The following PAPPA2 variants were observed in gnomAD, a reference collection of about 807,000 sequenced individuals.
The protein encoded by PAPPA2 is pappalysin 2, also known as pappalysin-2.
Under a neutral mutation model 176.4 loss-of-function variants are expected in PAPPA2, and 86 were observed. The ratio of observed to expected loss-of-function variants is 0.49; its 90% CI spans 0.41 to 0.58. The LOEUF (loss-of-function observed/expected upper bound fraction) is 0.58, where lower values mean the gene tolerates loss of function less well. PAPPA2 is among the 20% of genes least tolerant of loss of function. The pLI, the probability that PAPPA2 is intolerant of heterozygous loss-of-function variation, is 0.00. For missense variants in PAPPA2, 2,073 were observed against 2,256.9 expected, an observed-to-expected ratio of 0.92 and a Z score of 1.65; for synonymous variants, 809 against 852.2, an observed-to-expected ratio of 0.95 and a Z score of 0.88.
chr1:176,551,480 A>AGGG (rs1297816721), intron 1 of PAPPA2, among the ~76,000 whole-genome samples: 3 of 152,140 alleles, frequency 2.0e-5, no homozygotes, highest in Admixed American at 1.3e-4. Context: ...GACCACATTA[A>AGGG]GGGGCATCTC....
rs1290530042 is a variant in PAPPA2 at position 176,595,094 on chromosome 1, C to G, written c.1490C>G (p.Pro497Arg). The G allele has an allele frequency of 1.9e-6, 3 of 1,614,142 alleles. No homozygotes were observed. The South Asian group carries it at 3.3e-5, about 18-fold the overall frequency. ...EPEILSPLQP[P>R]LCGQTVCDNV... ...GAGATTCTGTCGCCTTTGCAGCCCC[C>G]ACTCTGTGGGCAAACAGTCTGTGAC... The change falls in exon 3 of 23, where the codon CCA becomes CGA. Residue 497 changes from proline (P) to arginine (R), a missense_variant. Pro to Arg is a moderately radical substitution (Grantham distance 103). Coordinates refer to ENST00000367662, the MANE Select transcript of PAPPA2 (RefSeq NM_020318.3).
chr1:176,731,187 C>A (rs922154070), intron 12 of PAPPA2, among the ~76,000 whole-genome samples: 5 of 151,844 alleles, frequency 3.3e-5, no homozygotes, highest in Admixed American at 6.6e-5. Flanking sequence ...ATACTTCTTT[C>A]TTTTCTCTGT....
chr1:176,833,747 T>A (rs12131068), intron 21 of PAPPA2, among the ~76,000 whole-genome samples: 8,990 of 152,240 alleles, frequency 0.059, 350 homozygotes, highest in Non-Finnish European at 0.086. Flanking sequence ...AATGTATGGA[T>A]GTGTACCATG....
chr1:176,719,039 T>A (rs1294767924), intron 12 of PAPPA2, among the ~76,000 whole-genome samples: 2 of 152,078 alleles, frequency 1.3e-5, no homozygotes, highest in South Asian at 2.1e-4. Flanking sequence ...GATTTGTATG[T>A]TTCTCTTTTA....
At chr1:176,812,201 C>A (rs1352316822) in intron 21 of PAPPA2, among the ~76,000 whole-genome samples, 1 of 117,954 alleles carries the variant, frequency 8.5e-6, no homozygotes, top group Admixed American at 9.2e-5. Flanking sequence ...TTATTCTGGG[C>A]TTTTTTGTTC....
chr1:176,726,537 G>A (rs1482350304), intron 12 of PAPPA2, among the ~76,000 whole-genome samples: 1 of 152,162 alleles, frequency 6.6e-6, no homozygotes, highest in African/African-American at 2.4e-5. Flanking sequence ...ACAGAATAGA[G>A]GTAAATAAGT....
At chr1:176,733,535 G>T (rs1662259523) in intron 12 of PAPPA2, among the ~76,000 whole-genome samples, 1 of 152,060 alleles carries the variant, frequency 6.6e-6, no homozygotes, top group African/African-American at 2.4e-5. Flanking sequence ...TTACATGAAA[G>T]CTTTTTCCAG....
chr1:176,688,498 T>C (rs1274078821), intron 4 of PAPPA2, among the ~76,000 whole-genome samples: 3 of 152,232 alleles, frequency 2.0e-5, no homozygotes, highest in African/African-American at 7.2e-5. Context: ...AACGTTATGT[T>C]GACATCATGA....
intron 3 of PAPPA2, among the ~76,000 whole-genome samples, chr1:176,657,159 C>T (rs1026811623): frequency 2.0e-5 from 3 of 151,862 alleles, no homozygotes; most frequent in African/African-American, 7.2e-5. Context: ...GACAAAAGCA[C>T]CAGACCAGGA....
chr1:176,482,718 T>A (rs1652462039), intron 1 of PAPPA2, among the ~76,000 whole-genome samples: 2 of 152,188 alleles, frequency 1.3e-5, no homozygotes, highest in South Asian at 4.1e-4. Flanking sequence ...TTATAGCCTA[T>A]CTTCTCAGCT....
intron 3 of PAPPA2, among the ~76,000 whole-genome samples, chr1:176,607,489 A>G (rs1317542043): frequency 6.6e-6 from 1 of 152,172 alleles, no homozygotes; most frequent in Non-Finnish European, 1.5e-5. Flanking sequence ...GAGTTAGTTC[A>G]CTTAATATAT....
At chr1:176,551,208 G>C (rs559499746) in intron 1 of PAPPA2, among the ~76,000 whole-genome samples, 1 of 152,216 alleles carries the variant, frequency 6.6e-6, no homozygotes, top group Non-Finnish European at 1.5e-5. Context: ...GCAACCCTGA[G>C]CCTTGGAGTG....
intron 14 of PAPPA2, among the ~76,000 whole-genome samples, chr1:176,754,706 G>A (rs1663336427): frequency 6.6e-6 from 1 of 152,208 alleles, no homozygotes; most frequent in Non-Finnish European, 1.5e-5. Flanking sequence ...CTCAGAGCTG[G>A]CCCTGTCAGT....
At chr1:176,730,969 A>G (rs1196133949) in intron 12 of PAPPA2, among the ~76,000 whole-genome samples, 1 of 151,686 alleles carries the variant, frequency 6.6e-6, no homozygotes, top group Non-Finnish European at 1.5e-5. Context: ...TTGGCCCTAC[A>G]TTTTATTAGG....
chr1:176,688,099 G>A (rs1659933945), intron 4 of PAPPA2, among the ~76,000 whole-genome samples: 1 of 152,196 alleles, frequency 6.6e-6, no homozygotes, highest in African/African-American at 2.4e-5. Context: ...GGTGAATTGT[G>A]TAGCCTTTCC....
chr1:176,746,287 A>G lies in PAPPA2; in HGVS notation c.4151+6091A>G, dbSNP rs191536528. ...AGGGTGGATTTGGAACTGAGAGGCA[A>G]TAAGTTGATAACCAGCAGAGAAAGT... On this transcript the variant is annotated intron_variant, in intron 14 of 22. Coordinates refer to ENST00000367662, the MANE Select transcript of PAPPA2 (RefSeq NM_020318.3). Among the ~76,000 whole-genome samples, 305 of 152,390 alleles carry G rather than the reference A, an allele frequency of 2.0e-3. 2 individuals carry two copies. The highest frequency in any genetic ancestry group is 7.2e-3 in the African/African-American group (301 of 41,602).
intron 9 of PAPPA2, among the ~76,000 whole-genome samples, chr1:176,704,826 C>T (rs1399437371): frequency 6.6e-6 from 1 of 152,036 alleles, no homozygotes; most frequent in South Asian, 2.1e-4. Context: ...TCATTTTATA[C>T]TGACTGCAGA....
chr1:176,730,941 TA>T (rs1419237736), intron 12 of PAPPA2, among the ~76,000 whole-genome samples: 1 of 152,116 alleles, frequency 6.6e-6, no homozygotes, highest in African/African-American at 2.4e-5. Context: ...CTTTATTAGA[TA>T]TTTTTTTCTC....
chr1:176,764,294 C>T lies in PAPPA2; in HGVS notation c.4152-1372C>T, dbSNP rs190112536. 2.3e-4 allele frequency among the ~76,000 whole-genome samples: 35 copies of T among 152,260 alleles called. No homozygotes were observed. The East Asian group carries it at 6.8e-3, about 29-fold the overall frequency. On this transcript the variant is annotated intron_variant, in intron 14 of 22. Coordinates refer to ENST00000367662, the MANE Select transcript of PAPPA2 (RefSeq NM_020318.3). ...CTTTTAGAAATCTCAACAAATTGAG[C>T]AAAGGTACACAAATGGGAGAACAAA...
Sources: allele counts gnomAD v4.1 joint callset (sites outside exome capture counted in the v4.1 genomes callset), GRCh38; gene constraint gnomAD v4.1.1; transcripts MANE v1.5; gene names NCBI Gene and HGNC (gene_info 2026-07-23, HGNC 2026-07-21).